MMAA: variants seen among roughly 807,000 people sequenced by gnomAD.
MMAA encodes methylmalonic aciduria type A protein, mitochondrial.
Under a neutral mutation model 45.0 loss-of-function variants are expected in MMAA, and 41 were observed. The observed-to-expected ratio is 0.91, with a 90% confidence interval of 0.71 to 1.18. MMAA has a LOEUF of 1.18. MMAA is among the 50% of genes most tolerant of loss of function. The pLI is 0.00. For missense variants in MMAA, 460 were observed against 495.7 expected (o/e 0.93, Z 0.68); for synonymous variants, 154 against 178.2 (o/e 0.86, Z 1.08).
intron 4 of MMAA, 188 bp from the exon 5 acceptor site, chr4:145,650,874 G>A (rs773992416): frequency 3.7e-5 from 23 of 627,634 alleles, no homozygotes; most frequent in South Asian, 2.2e-4. Flanking sequence ...GAAGGATAAC[G>A]GGTTTGCTTA....
At chr4:145,625,034 T>C in intron 1 of MMAA, 1 of 903,216 alleles carries the variant, frequency 1.1e-6, no homozygotes, top group Non-Finnish European at 1.8e-6. Context: ...GAACAAGAGC[T>C]CAAACTTCTC....
intron 1 of MMAA, among the ~76,000 whole-genome samples, chr4:145,634,937 G>A (rs1727571486): frequency 6.6e-6 from 1 of 151,742 alleles, no homozygotes; most frequent in African/African-American, 2.4e-5. Flanking sequence ...GCAAGATAAA[G>A]TCCTCCCCGC....
Position 145,646,130 on chromosome 4 carries a change from A to G in MMAA, c.707A>G (p.Tyr236Cys). The G allele has an allele frequency of 6.2e-7, 1 of 1,614,140 alleles. No homozygotes were observed. Among genetic ancestry groups the G allele is most frequent in the South Asian group, 1.1e-5 (1 of 91,086 alleles). ...EAILLCEGAGYDIILIETVGV... is the reference protein window; with the variant it reads ...EAILLCEGAGCDIILIETVGV... ...ATTCTGTTGTGTGAAGGAGCGGGATATGACATAATTCTTATTGAAACCGTT... is the reference window on the plus strand; with the variant it reads ...ATTCTGTTGTGTGAAGGAGCGGGATGTGACATAATTCTTATTGAAACCGTT... Residue 236 changes from tyrosine (Y) to cysteine (C), a missense_variant, in exon 4 of 7, where the codon TAT becomes TGT. By Grantham distance (194) the Tyr-to-Cys change is radical (BLOSUM62 -2). Transcript: ENST00000649156.
In MMAA at chr4:145,656,406, C is replaced by T. The variant is rs940192072; in HGVS notation, c.*972C>T. 2 of 152,162 alleles carry T rather than the reference C, an allele frequency of 1.3e-5. No individual in the cohort carries two copies. Among genetic ancestry groups the T allele is most frequent in the African/African-American group, 4.8e-5 (2 of 41,448 alleles). The allele number at this position is 152,162 out of a possible 1,614,324, so 9.4% of individuals were successfully genotyped here. On this transcript the variant is annotated 3_prime_UTR_variant, in exon 7 of 7. Coordinates refer to ENST00000649156, the MANE Select transcript of MMAA (RefSeq NM_172250.3). ...AGCTACATGAGCTAATCTCTTTAAG[C>T]TTCCATTTCCTCCCTGGTAAAATGA...
chr4:145,637,969 T>C (rs949298743), intron 1 of MMAA, among the ~76,000 whole-genome samples: 4 of 152,238 alleles, frequency 2.6e-5, no homozygotes, highest in Non-Finnish European at 4.4e-5. Flanking sequence ...CAGAGATTCA[T>C]AGTGACCGCG....
intron 1 of MMAA, chr4:145,625,360 G>T (rs1418964608): frequency 1.4e-6 from 1 of 702,392 alleles, no homozygotes; most frequent in Non-Finnish European, 2.7e-6. Flanking sequence ...TGGTGAGCCA[G>T]TCCTGGGGGT....
chr4:145,647,750 G>A (rs776303439), intron 4 of MMAA, among the ~76,000 whole-genome samples: 4 of 152,122 alleles, frequency 2.6e-5, no homozygotes, highest in African/African-American at 4.8e-5. Flanking sequence ...TTGGATTAAG[G>A]CCCTACCCTT....
At chr4:145,622,927 A>G (rs188051721) in intron 1 of MMAA, among the ~76,000 whole-genome samples, 3 of 152,342 alleles carry the variant, frequency 2.0e-5, no homozygotes, top group Non-Finnish European at 4.4e-5. Context: ...GAGTCCATGA[A>G]GTTTCCCCAG....
chr4:145,632,010 T>A (rs956269742), intron 1 of MMAA, among the ~76,000 whole-genome samples: 20 of 152,346 alleles, frequency 1.3e-4, no homozygotes, highest in African/African-American at 4.8e-4. Flanking sequence ...GTAGTTATTT[T>A]TGATTGGTTC....
At chr4:145,637,259 G>A (rs1191542083) in intron 1 of MMAA, among the ~76,000 whole-genome samples, 1 of 152,170 alleles carries the variant, frequency 6.6e-6, no homozygotes, top group Admixed American at 6.5e-5. Context: ...GTGCTTAAAG[G>A]TGGTATTGAA....
rs1350094815 is a variant in MMAA, at chr4:145,657,225, A to C, written c.*1791A>C. On this transcript the variant is annotated 3_prime_UTR_variant, in exon 7 of 7. Transcript: ENST00000649156. ...TTTGAACTACTTTTAAATGTTATAA[A>C]TGTCATCATAAAAATCATTAGAAAA... 1 of 152,192 alleles carries C rather than the reference A, an allele frequency of 6.6e-6. No homozygotes were observed. The highest frequency in any genetic ancestry group is 2.4e-5 in the African/African-American group (1 of 41,442). 9.4% of individuals were successfully genotyped at this position (152,192 alleles called of 1,614,324 possible).
At chr4:145,649,610 C>T (rs1375961661) in intron 4 of MMAA, among the ~76,000 whole-genome samples, 1 of 152,174 alleles carries the variant, frequency 6.6e-6, no homozygotes, top group East Asian at 1.9e-4. Context: ...TTGACTCATT[C>T]ATCATATCTC....
At chr4:145,639,776 A>T in intron 2 of MMAA, 198 bp downstream of exon 2, 10 of 984,182 alleles carry the variant, frequency 1.0e-5, no homozygotes, top group Non-Finnish European at 1.2e-5. Flanking sequence ...AACCAAGGCT[A>T]TGTATTTTAA....
chr4:145,626,542 A>C (rs1734209852), intron 1 of MMAA, among the ~76,000 whole-genome samples: 2 of 152,256 alleles, frequency 1.3e-5, no homozygotes, highest in Non-Finnish European at 2.9e-5. Flanking sequence ...TGGCCTAAGC[A>C]AAAAATAAAT....
At chr4:145,630,798 C>A (rs1734321876) in intron 1 of MMAA, among the ~76,000 whole-genome samples, 1 of 152,110 alleles carries the variant, frequency 6.6e-6, no homozygotes, top group Non-Finnish European at 1.5e-5. Context: ...TAGCTATAAA[C>A]TTCCCTCTTA....
rs768447137 is a variant in MMAA, at chr4:145,646,069, A to C, written c.646A>C (p.Thr216Pro). Residue 216 changes from threonine to proline, a missense_variant, in exon 4 of 7, where the codon ACT becomes CCT. Physicochemically the swap from Thr to Pro is conservative, Grantham distance 38. Transcript: ENST00000649156. Reference sequence around the variant, plus strand: ...CATCAGGCCATCTCCTACTAGAGGAACTTTAGGAGGCGTGACAAGGACCAC... The same window carrying C: ...CATCAGGCCATCTCCTACTAGAGGACCTTTAGGAGGCGTGACAAGGACCAC... ...AYIRPSPTRG[T>P]LGGVTRTTNE... 7 of 1,614,060 alleles carry C rather than the reference A, an allele frequency of 4.3e-6. No individual in the cohort carries two copies. The highest frequency in any genetic ancestry group is 5.9e-6 in the Non-Finnish European group (7 of 1,179,910).
At chr4:145,619,940 T>C (rs1000496096) in intron 1 of MMAA, among the ~76,000 whole-genome samples, 1 of 152,178 alleles carries the variant, frequency 6.6e-6, no homozygotes, top group South Asian at 2.1e-4. Context: ...CTAAATCTCT[T>C]TCAGCAGAGG....
At chr4:145,621,712 G>A (rs1734093440) in intron 1 of MMAA, among the ~76,000 whole-genome samples, 1 of 152,188 alleles carries the variant, frequency 6.6e-6, no homozygotes, top group African/African-American at 2.4e-5. Flanking sequence ...TGTACGAATT[G>A]TGCTGTGCTG....
At chr4:145,646,511 G>A (rs1727931862) in intron 4 of MMAA, 1 of 230,274 alleles carries the variant, frequency 4.3e-6, no homozygotes, top group South Asian at 6.9e-5. Context: ...GAAAATTAAT[G>A]TAGTTGGGTG....
Sources: gnomAD v4.1 joint callset for allele counts (sites outside exome capture counted in the v4.1 genomes callset) on GRCh38, gnomAD v4.1.1 for gene constraint, MANE v1.5 for transcripts, NCBI Gene and HGNC (gene_info 2026-07-23, HGNC 2026-07-21) for gene names.